NOX4: variants seen among roughly 807,000 people sequenced by gnomAD.
NOX4 encodes NADPH oxidase 4.
NOX4 carries 69 observed loss-of-function variants against 87.6 expected under a neutral mutation model. The ratio of observed to expected loss-of-function variants is 0.79; its 90% CI spans 0.65 to 0.96. The LOEUF (loss-of-function observed/expected upper bound fraction) is 0.96, where lower values mean the gene tolerates loss of function less well. Among genes scored for constraint, NOX4 ranks in the 40% least tolerant of loss-of-function variants. The pLI is 0.00. For missense variants in NOX4, 680 were observed against 681.5 expected, an observed-to-expected ratio of 1.00 and a Z score of 0.02; for synonymous variants, 275 against 238.2, an observed-to-expected ratio of 1.15 and a Z score of -1.42.
chr11:89,521,362 C>A, the NOX4 span, among the ~76,000 whole-genome samples: 1 of 152,000 alleles, frequency 6.6e-6, no homozygotes, highest in Non-Finnish European at 1.5e-5. Flanking sequence ...GAATAGAGAA[C>A]ACTAAAATAA....
At chr11:89,486,292 T>TAAA (rs1484760744) in intron 2 of NOX4, among the ~76,000 whole-genome samples, 8 of 148,362 alleles carry the variant, frequency 5.4e-5, no homozygotes, top group African/African-American at 1.7e-4. Context: ...AATAAATAAA[T>TAAA]TTATTTATTT....
chr11:89,364,513 A>G (rs1368465097), intron 12 of NOX4, among the ~76,000 whole-genome samples: 1 of 152,106 alleles, frequency 6.6e-6, no homozygotes, highest in African/African-American at 2.4e-5. Flanking sequence ...TGTCAAAGCA[A>G]TATAAAAAAC....
the NOX4 span, among the ~76,000 whole-genome samples, chr11:89,540,732 G>A: frequency 7.0e-6 from 1 of 143,782 alleles, no homozygotes; most frequent in Non-Finnish European, 1.5e-5. Flanking sequence ...AGCTTGCAGT[G>A]AGCCGAGATC....
In NOX4 at chr11:89,418,683, C is replaced by T. The variant is rs1056641071; in HGVS notation, c.629+3219G>A. Among the ~76,000 whole-genome samples the T allele has an allele frequency of 3.3e-5, 5 of 151,838 alleles. No homozygotes were observed. The East Asian group carries it at 7.8e-4, about 24-fold the overall frequency. Reference sequence around the variant, plus strand: ...CTTTTAAATAGCTAGACAGAAATTACAGTAAAATAATTCCAACCAAAAACG... The same window carrying T: ...CTTTTAAATAGCTAGACAGAAATTATAGTAAAATAATTCCAACCAAAAACG... On this transcript the variant is annotated intron_variant, in intron 8 of 17. Coordinates refer to ENST00000263317, the MANE Select transcript of NOX4 (RefSeq NM_016931.5).
rs1445016291 is a variant in NOX4 at position 89,396,248 on chromosome 11, T to TTTATTCTC, written c.1074+3761_1074+3768dup. Among the ~76,000 whole-genome samples, 3 of 152,258 alleles carry TTTATTCTC rather than the reference T, an allele frequency of 2.0e-5. No individual in the cohort carries two copies. The East Asian group carries it at 5.8e-4, about 29-fold the overall frequency. On this transcript the variant is annotated intron_variant, in intron 11 of 17. Transcript: ENST00000263317. ...CCTTGTAAGTTGGATTCCTAGGTATTTTATTCTCTTTGAAGCAATTGTGAA... is the reference window on the plus strand; with the variant it reads ...CCTTGTAAGTTGGATTCCTAGGTATTTTATTCTCTTATTCTCTTTGAAGCAATTGTGAA...
chr11:89,513,652 T>C, the NOX4 span, among the ~76,000 whole-genome samples: 1 of 152,032 alleles, frequency 6.6e-6, no homozygotes, highest in African/African-American at 2.4e-5. Context: ...CCCTGACTAA[T>C]ACACTCCTAT....
the NOX4 span, among the ~76,000 whole-genome samples, chr11:89,524,435 G>A: frequency 6.6e-6 from 1 of 152,118 alleles, no homozygotes; most frequent in African/African-American, 2.4e-5. Flanking sequence ...TATGACAGTT[G>A]TAAATTAATC....
the NOX4 span, among the ~76,000 whole-genome samples, chr11:89,522,957 A>G: frequency 6.6e-6 from 1 of 152,156 alleles, no homozygotes; most frequent in East Asian, 1.9e-4. Flanking sequence ...TAACTCACTT[A>G]GCTATACAAA....
In NOX4 at chr11:89,491,312, G is replaced by A. The variant is rs1040602123; in HGVS notation, c.-66C>T. ...CGAGAAGGAGCGGGCGGCGGCCGGG[G>A]CAGCGGTTACAGTTGTGCGGCCTGC... On this transcript the variant is annotated 5_prime_UTR_variant, in exon 1 of 18. Coordinates refer to ENST00000263317, the MANE Select transcript of NOX4 (RefSeq NM_016931.5). The A allele has an allele frequency of 2.0e-6, 3 of 1,476,114 alleles. No individual in the cohort carries two copies. Among genetic ancestry groups the A allele is most frequent in the Non-Finnish European group, 2.8e-6 (3 of 1,078,734 alleles). 91.4% of individuals were successfully genotyped at this position (1,476,114 alleles called of 1,614,324 possible).
chr11:89,486,277 A>G (rs1353481667), intron 2 of NOX4, among the ~76,000 whole-genome samples: 1 of 148,354 alleles, frequency 6.7e-6, no homozygotes, highest in African/African-American at 2.5e-5. Context: ...TTATTTAAAT[A>G]AATAAATAAA....
chr11:89,531,687 G>T, the NOX4 span, among the ~76,000 whole-genome samples: 1 of 152,168 alleles, frequency 6.6e-6, no homozygotes, highest in African/African-American at 2.4e-5. Flanking sequence ...TCTCTCTACT[G>T]TCATCAAGCA....
chr11:89,398,485 T>C (rs1266016622), intron 11 of NOX4, among the ~76,000 whole-genome samples: 1 of 151,640 alleles, frequency 6.6e-6, no homozygotes, highest in East Asian at 2.0e-4. Flanking sequence ...GAAGTAAATT[T>C]CTTATGAACT....
rs1255375765 is a variant in NOX4 at position 89,405,718 on chromosome 11, C to T, written c.630-3176G>A. ...AGTTCACTGGAAGGCAGGTTTTTAA[C>T]TCAGTATTGAAAGGCCACCTACTGG... On this transcript the variant is annotated intron_variant, in intron 8 of 17. Coordinates refer to ENST00000263317, the MANE Select transcript of NOX4 (RefSeq NM_016931.5). 4.9e-5 allele frequency among the ~76,000 whole-genome samples: 7 copies of T among 144,016 alleles called. No homozygotes were observed. The East Asian group carries it at 1.5e-3, about 30-fold the overall frequency. 94.5% of individuals were successfully genotyped at this position (144,016 alleles called of 152,430 possible).
upstream of NOX4, among the ~76,000 whole-genome samples, chr11:89,500,940 A>C (rs1947009673): frequency 6.6e-6 from 1 of 152,116 alleles, no homozygotes; most frequent in African/African-American, 2.4e-5. Flanking sequence ...AACAAAATAC[A>C]TGACATTAGT....
In NOX4 at chr11:89,444,303, C is replaced by T. The variant is rs1436546253; in HGVS notation, c.350-71G>A. Reference sequence around the variant, plus strand: ...CTCTATGTCAAGGACTCAGTTCTTCCTCTCCCTAAGTAAATACAGGGCCAA... The same window carrying T: ...CTCTATGTCAAGGACTCAGTTCTTCTTCTCCCTAAGTAAATACAGGGCCAA... On this transcript the variant is annotated intron_variant, in intron 4 of 17. Transcript: ENST00000263317. 3.9e-6 allele frequency: 5 copies of T among 1,275,844 alleles called. No homozygotes were observed. The African/African-American group carries it at 7.3e-5, about 19-fold the overall frequency. 79.0% of individuals were successfully genotyped at this position (1,275,844 alleles called of 1,614,324 possible).
Position 89,421,898 on chromosome 11 carries a change from T to C in NOX4, c.629+4A>G, listed in dbSNP as rs759980003. 6.4e-7 allele frequency: 1 copy of C among 1,553,476 alleles called. No homozygotes were observed. Among genetic ancestry groups the C allele is most frequent in the East Asian group, 2.4e-5 (1 of 41,496 alleles). On this transcript the variant is annotated splice_donor_region_variant and intron_variant, in intron 8 of 17. Coordinates refer to ENST00000263317, the MANE Select transcript of NOX4 (RefSeq NM_016931.5). ...GTTTTAAATACATACATTTGTAAAC[T>C]TACCCTGAAACATGCAACGTCAGCA... is the stretch of plus-strand genomic sequence containing the variant.
chr11:89,386,304 C>G (rs748985356), intron 11 of NOX4, among the ~76,000 whole-genome samples: 2 of 152,180 alleles, frequency 1.3e-5, no homozygotes, highest in African/African-American at 2.4e-5. Context: ...TCATCATTCT[C>G]AACTACTCAT....
At chr11:89,394,818 C>A (rs1454561007) in intron 11 of NOX4, among the ~76,000 whole-genome samples, 1 of 152,172 alleles carries the variant, frequency 6.6e-6, no homozygotes, top group African/African-American at 2.4e-5. Context: ...CATGGCCCTA[C>A]AAAGGACATG....
chr11:89,554,282 A>C, the NOX4 span, among the ~76,000 whole-genome samples: 1 of 152,098 alleles, frequency 6.6e-6, no homozygotes, highest in African/African-American at 2.4e-5. Context: ...AATTCTTTTC[A>C]CCATGATCTG....
Sources: allele counts gnomAD v4.1 joint callset (sites outside exome capture counted in the v4.1 genomes callset), GRCh38; gene constraint gnomAD v4.1.1; transcripts MANE v1.5; gene names NCBI Gene and HGNC (gene_info 2026-07-23, HGNC 2026-07-21).